The following PPL variants were observed in gnomAD, a reference collection of about 807,000 sequenced individuals.
The protein encoded by PPL is 190 kDa paraneoplastic pemphigus antigen.
Under a neutral mutation model 194.4 loss-of-function variants are expected in PPL, and 198 were observed. The ratio of observed to expected loss-of-function variants is 1.02; its 90% CI spans 0.91 to 1.15. PPL has a LOEUF of 1.15. PPL is among the 50% of genes most tolerant of loss of function. The pLI, the probability that PPL is intolerant of heterozygous loss-of-function variation, is 0.00. For missense variants in PPL, 2,885 were observed against 2,294.8 expected, an observed-to-expected ratio of 1.26 and a Z score of -5.25; for synonymous variants, 1,220 against 972.4, an observed-to-expected ratio of 1.25 and a Z score of -4.74.
intron 2 of PPL, among the ~76,000 whole-genome samples, chr16:4,904,473 T>C (rs1207654337): frequency 6.6e-6 from 1 of 152,006 alleles, no homozygotes; most frequent in Admixed American, 6.5e-5. Flanking sequence ...ATGAAAGAAA[T>C]GCTCCAGAGG....
rs761798438 is a variant in PPL, at chr16:4,885,253, G to C, written c.3402C>G (p.Thr1134=). ...TGGCAGCCTCGTCCTCATATTGGCG[G>C]GTGAGATCGCTGACCTCCCTCTCGG... is the stretch of plus-strand genomic sequence containing the variant. ...AATEREVSDL[T]RQYEDEAAKA... Residue 1134 remains threonine, a synonymous_variant, in exon 22 of 22, where the codon ACC becomes ACG. Coordinates refer to ENST00000345988, the MANE Select transcript of PPL (RefSeq NM_002705.5). This position sits in a 1 kb window ranked among gnomAD's most constrained non-coding sequence, Gnocchi z 6.3. The C allele has an allele frequency of 1.9e-6, 3 of 1,612,942 alleles. No individual in the cohort carries two copies. Among genetic ancestry groups the C allele is most frequent in the Non-Finnish European group, 2.5e-6 (3 of 1,179,964 alleles).
rs114422142 is a variant in PPL, at chr16:4,896,781, A to G, written c.972+894T>C. Among the ~76,000 whole-genome samples the G allele has an allele frequency of 6.0e-3, 912 of 151,792 alleles. 9 individuals carry two copies. Among genetic ancestry groups the G allele is most frequent in the African/African-American group, 0.021 (874 of 41,426 alleles). ...CAGCCTCCCATCTGGGACTACAGATATGGGCCACCACACCTGGCTAACTTT... is the reference window on the plus strand; with the variant it reads ...CAGCCTCCCATCTGGGACTACAGATGTGGGCCACCACACCTGGCTAACTTT... On this transcript the variant is annotated intron_variant, in intron 9 of 21. Transcript: ENST00000345988.
At chr16:4,886,162 C>T in intron 21 of PPL, 115 bp from the exon 22 acceptor site, 1 of 1,287,186 alleles carries the variant, frequency 7.8e-7, no homozygotes. Flanking sequence ...CCCTCAGTGC[C>T]AGTTCATGTT....
Position 4,931,301 on chromosome 16 carries a change from C to T in PPL, c.62+5683G>A, listed in dbSNP as rs115194721. Among the ~76,000 whole-genome samples the T allele has an allele frequency of 2.2e-3, 330 of 152,254 alleles. 2 individuals are homozygous for T. The highest frequency in any genetic ancestry group is 7.6e-3 in the African/African-American group (314 of 41,546). Reference sequence around the variant, plus strand: ...ATTGCTTGAGCCCAGCAGTTCAAGGCTACAGTGAGCTATGATCGCACCACT... The same window carrying T: ...ATTGCTTGAGCCCAGCAGTTCAAGGTTACAGTGAGCTATGATCGCACCACT... On this transcript the variant is annotated intron_variant, in intron 1 of 21. Coordinates refer to ENST00000345988, the MANE Select transcript of PPL (RefSeq NM_002705.5).
Position 4,885,367 on chromosome 16 carries a change from G to T in PPL, c.3288C>A (p.Asp1096Glu). 1 of 1,612,818 alleles carries T rather than the reference G, an allele frequency of 6.2e-7. No homozygotes were observed. Residue 1096 changes from aspartate (D) to glutamate (E), a missense_variant, in exon 22 of 22, where the codon GAC becomes GAA. Transcript: ENST00000345988. The surrounding 1 kb of genome is among the most constrained non-coding windows in gnomAD (Gnocchi z 6.3). ...GCTCCTTCTCTAGCCTCTTGAGCTT[G>T]TCCTGGAGGAAGCTCAGCTCCTCCT... ...KQEEELSFLQ[D>E]KLKRLEKERA... is the part of the protein sequence containing the mutation.
chr16:4,887,228 C>A lies in PPL; in HGVS notation c.2515-1G>T, dbSNP rs768275155. The A allele has an allele frequency of 1.2e-6, 2 of 1,612,350 alleles. No individual in the cohort carries two copies. Among genetic ancestry groups the A allele is most frequent in the East Asian group, 4.5e-5 (2 of 44,878 alleles). ...TGAACTTGGCGGCAAGTGCTGCTTC[C>A]TGCAGAGAAGAGGATTAGGAGAGCG... On this transcript the variant is annotated splice_acceptor_variant, in intron 20 of 21. Transcript: ENST00000345988. LOFTEE classifies it high-confidence loss of function.
intron 2 of PPL, among the ~76,000 whole-genome samples, chr16:4,909,721 G>A (rs1041242992): frequency 2.0e-5 from 3 of 152,016 alleles, no homozygotes; most frequent in Admixed American, 6.6e-5. Flanking sequence ...GAGCCATTAC[G>A]CACCTGGCCT....
rs2088118234 is a variant in PPL, at chr16:4,882,612, A to G, written c.*772T>C. The stretch of plus-strand genomic sequence containing the variant: ...TTCTACATGAGATACAGAGACCCAG[A>G]TATTGGCGTGGTGAATAATCAACTG... On this transcript the variant is annotated 3_prime_UTR_variant, in exon 22 of 22. Coordinates refer to ENST00000345988, the MANE Select transcript of PPL (RefSeq NM_002705.5). 1 of 152,256 alleles carries G rather than the reference A, an allele frequency of 6.6e-6. No homozygotes were observed. The highest frequency in any genetic ancestry group is 1.9e-4 in the East Asian group (1 of 5,198). 9.4% of individuals were successfully genotyped at this position (152,256 alleles called of 1,614,324 possible). A position where few individuals can be genotyped will look rare whatever the true frequency, so the allele number is the denominator to read the frequency against.
intron 2 of PPL, among the ~76,000 whole-genome samples, chr16:4,907,768 G>T (rs76305428): frequency 2.0e-3 from 297 of 152,264 alleles, no homozygotes; most frequent in African/African-American, 6.5e-3. Context: ...GAAATAAATA[G>T]TAGTATCTTT....
At chr16:4,894,442 C>A (rs376256435) in intron 12 of PPL, 25 bp downstream of exon 12, 2 of 1,612,066 alleles carry the variant, frequency 1.2e-6, no homozygotes, top group African/African-American at 2.7e-5. Context: ...CTGGTCCATG[C>A]AGACTCCCGC....
chr16:4,890,849 G>T lies in PPL; in HGVS notation c.2041C>A (p.Gln681Lys), dbSNP rs1383965934. Residue 681 changes from glutamine to lysine, a missense_variant, in exon 17 of 22, where the codon CAG (glutamine) becomes AAG (lysine). Coordinates refer to ENST00000345988, the MANE Select transcript of PPL (RefSeq NM_002705.5). ...CGGCTGGCCAGTGTGCTCGAGCACT[G>T]CTTGGCCGCCTGCAAGTTCTGCTCC... ...EVEQNLQAAK[Q>K]CSSTLASRFQ... 6.4e-7 allele frequency: 1 copy of T among 1,565,560 alleles called. No homozygotes were observed. Among genetic ancestry groups the T allele is most frequent in the Admixed American group, 1.9e-5 (1 of 53,066 alleles).
intron 10 of PPL, 43 bp downstream of exon 10, chr16:4,895,551 C>A: frequency 2.5e-6 from 4 of 1,612,326 alleles, no homozygotes; most frequent in Non-Finnish European, 1.7e-6. Context: ...GTAGAGGGGT[C>A]CCCCGCCCCC....
At chr16:4,908,547 T>A (rs1331042227) in intron 2 of PPL, among the ~76,000 whole-genome samples, 1 of 152,068 alleles carries the variant, frequency 6.6e-6, no homozygotes, top group Non-Finnish European at 1.5e-5. Context: ...ATTGATTGAT[T>A]GATTGATTGA....
chr16:4,884,312 A>G lies in PPL; in HGVS notation c.4343T>C (p.Val1448Ala). 1 of 1,612,580 alleles carries G rather than the reference A, an allele frequency of 6.2e-7. No homozygotes were observed. Among genetic ancestry groups the G allele is most frequent in the Non-Finnish European group, 8.5e-7 (1 of 1,179,632 alleles). ...CGCCTGCTGCGGGTCCTGCTGCAGC[A>G]CCACCTTCTGCGTATGGGTTACCTT... The part of the protein sequence containing the change: ...REKVTHTQKV[V>A]LQQDPQQARE... Residue 1448 changes from valine to alanine, a missense_variant, in exon 22 of 22, where the codon GTG (valine) becomes GCG (alanine). By Grantham distance (64) the Val-to-Ala change is moderately conservative. Transcript: ENST00000345988. This position sits in a 1 kb window ranked among gnomAD's most constrained non-coding sequence, Gnocchi z 5.7.
At chr16:4,910,553 G>C (rs573498846) in intron 2 of PPL, among the ~76,000 whole-genome samples, 16 of 152,244 alleles carry the variant, frequency 1.1e-4, no homozygotes, top group African/African-American at 3.9e-4. Flanking sequence ...TTAGTATCCG[G>C]GAGGTACTAG....
chr16:4,896,639 G>GTTTTTTTT (rs1387761941), intron 9 of PPL, among the ~76,000 whole-genome samples: 1 of 129,716 alleles, frequency 7.7e-6, no homozygotes, highest in African/African-American at 2.9e-5. Context: ...GTACGGGGTT[G>GTTTTTTTT]TTTTTTTTTT....
chr16:4,891,061 G>A (rs1438810161), intron 16 of PPL, 140 bp from the exon 17 acceptor site: 5 of 668,128 alleles, frequency 7.5e-6, no homozygotes, highest in African/African-American at 3.7e-5. Flanking sequence ...GCCTTGCTCT[G>A]TACATCCCAA....
In PPL at chr16:4,884,732, ACCT is replaced by A. The variant is rs1567983775; in HGVS notation, c.3920_3922del (p.Glu1307del). 2 of 1,613,084 alleles carry A rather than the reference ACCT, an allele frequency of 1.2e-6. No homozygotes were observed. Among genetic ancestry groups the A allele is most frequent in the Non-Finnish European group, 1.7e-6 (2 of 1,179,834 alleles). ...TGAGAGCTTTGCCCTCAGAGACGCC[ACCT>A]CCTCCTTGGTTTGAGGGTCTTCTTG... On this transcript the variant is annotated inframe_deletion, in exon 22 of 22. Coordinates refer to ENST00000345988, the MANE Select transcript of PPL (RefSeq NM_002705.5). The surrounding 1 kb of genome is among the most constrained non-coding windows in gnomAD (Gnocchi z 5.7).
Position 4,885,522 on chromosome 16 carries a change from T to C in PPL, c.3133A>G (p.Lys1045Glu). 3.7e-6 allele frequency: 6 copies of C among 1,611,238 alleles called. No individual in the cohort carries two copies. Among genetic ancestry groups the C allele is most frequent in the Non-Finnish European group, 5.1e-6 (6 of 1,179,936 alleles). The stretch of plus-strand genomic sequence containing the variant: ...GTGACCTTCTCCTGCGCCCGGCTCT[T>C]CTCTTCAGCCAGGGCGGCCACACGC... The part of the protein sequence containing the change: ...QQRVAALAEE[K>E]SRAQEKVTEK... The change falls in exon 22 of 22, where the codon AAG becomes GAG. Residue 1045 changes from lysine (K) to glutamate (E), a missense_variant. Lys to Glu is a moderately conservative substitution (Grantham distance 56). Coordinates refer to ENST00000345988, the MANE Select transcript of PPL (RefSeq NM_002705.5). This position sits in a 1 kb window ranked among gnomAD's most constrained non-coding sequence, Gnocchi z 6.3.
Sources: allele counts gnomAD v4.1 joint callset (sites outside exome capture counted in the v4.1 genomes callset), GRCh38; gene constraint gnomAD v4.1.1; non-coding constraint Gnocchi (gnomAD v3.1); transcripts MANE v1.5; gene names NCBI Gene and HGNC (gene_info 2026-07-23, HGNC 2026-07-21).